PAIP1: variants seen among roughly 807,000 people sequenced by gnomAD.
PAIP1 encodes polyadenylate-binding protein-interacting protein 1.
A neutral mutation model predicts 61.3 loss-of-function variants in PAIP1; 16 were observed. That is an observed-to-expected ratio of 0.26 (90% CI 0.18 to 0.40). The LOEUF (loss-of-function observed/expected upper bound fraction) is 0.40. Among genes scored for constraint, PAIP1 ranks in the 10% least tolerant of loss-of-function variants. The pLI is 1.00. For synonymous variants in PAIP1, 187 were observed against 226.2 expected (o/e 0.83, Z 1.56); for missense variants, 416 against 600.9 (o/e 0.69, Z 3.22).
chr5:43,543,145 A>G, intron 3 of PAIP1, 29 bp from the exon 4 acceptor site: 1 of 1,089,338 alleles, frequency 9.2e-7, no homozygotes, highest in Non-Finnish European at 1.4e-6. Flanking sequence ...GTGTTATATG[A>G]CATAGGTACA....
chr5:43,529,994 T>C, intron 9 of PAIP1, 115 bp from the exon 10 acceptor site: 1 of 637,868 alleles, frequency 1.6e-6, no homozygotes. Context: ...TGCTCAGAAA[T>C]CTTAAAGTAA....
At chr5:43,552,903 G>A (rs1248929486) in intron 2 of PAIP1, among the ~76,000 whole-genome samples, 1 of 152,098 alleles carries the variant, frequency 6.6e-6, no homozygotes, top group African/African-American at 2.4e-5. Flanking sequence ...AAGAACATCA[G>A]TCACAAAAAT....
chr5:43,541,288 CT>C (rs777778938), intron 4 of PAIP1, among the ~76,000 whole-genome samples: 424 of 25,250 alleles, frequency 0.017, 8 homozygotes, highest in South Asian at 0.023. Flanking sequence ...CCACGCCCAG[CT>C]TTTTTTTTTT....
intron 2 of PAIP1, among the ~76,000 whole-genome samples, chr5:43,554,898 G>A (rs1388120504): frequency 6.6e-6 from 1 of 152,148 alleles, no homozygotes; most frequent in Admixed American, 6.5e-5. Context: ...TAACCCAAGA[G>A]TGAAAGCTAC....
chr5:43,550,931 A>C (rs4386738), intron 2 of PAIP1, among the ~76,000 whole-genome samples: 72,787 of 150,260 alleles, frequency 0.48, 18,539 homozygotes, highest in Middle Eastern at 0.63. Flanking sequence ...AGCCATACAA[A>C]TATCTAAGGA....
intron 2 of PAIP1, among the ~76,000 whole-genome samples, chr5:43,553,846 C>T (rs1288202836): frequency 3.3e-5 from 5 of 152,194 alleles, no homozygotes; most frequent in African/African-American, 7.2e-5. Context: ...CTACTCAGCT[C>T]CAACCAATTT....
rs573798036 is a variant in PAIP1 at position 43,557,064 on chromosome 5, A to G, written c.-218T>C. On this transcript the variant is annotated 5_prime_UTR_variant, in exon 1 of 11. Coordinates refer to ENST00000306846, the MANE Select transcript of PAIP1 (RefSeq NM_006451.5). ...TCCAGAGCGCCCGCCCCGCTCGGCT[A>G]CCCTCGGCTTTCCAGTTCTCCCCCA... 6 of 854,752 alleles carry G rather than the reference A, an allele frequency of 7.0e-6. No individual in the cohort carries two copies. Among genetic ancestry groups the G allele is most frequent in the Non-Finnish European group, 7.8e-6 (5 of 643,852 alleles). The allele number at this position is 854,752 out of a possible 1,614,324, so 52.9% of individuals were successfully genotyped here.
In PAIP1 at chr5:43,535,046, A is replaced by C. The variant is rs1406744454; in HGVS notation, c.1080-76T>G. 3 of 793,120 alleles carry C rather than the reference A, an allele frequency of 3.8e-6. No individual in the cohort carries two copies. In the East Asian group the frequency reaches 7.3e-5, roughly 19 times the overall value. The allele number at this position is 793,120 out of a possible 1,614,324, so 49.1% of individuals were successfully genotyped here. A position where few individuals can be genotyped will look rare whatever the true frequency, so the allele number is the denominator to read the frequency against. On this transcript the variant is annotated intron_variant, in intron 7 of 10. Coordinates refer to ENST00000306846, the MANE Select transcript of PAIP1 (RefSeq NM_006451.5). The stretch of plus-strand genomic sequence containing the variant: ...GACCCTAAAATATCTCAGATTCCCA[A>C]AACTTTATTTCCTTAATTTAACAGG...
chr5:43,533,636 C>T (rs1747031578), intron 9 of PAIP1, 102 bp downstream of exon 9: 1 of 785,524 alleles, frequency 1.3e-6, no homozygotes, highest in Non-Finnish European at 2.3e-6. Flanking sequence ...GATGTGAAGA[C>T]ATCAAAAAGT....
At chr5:43,539,231 A>G (rs545466855) in intron 4 of PAIP1, among the ~76,000 whole-genome samples, 196 bp from the exon 5 acceptor site, 11 of 151,476 alleles carry the variant, frequency 7.3e-5, no homozygotes, top group Non-Finnish European at 1.0e-4. Flanking sequence ...TAAGTCTCCC[A>G]GTTTGAAAAA....
intron 3 of PAIP1, 86 bp from the exon 4 acceptor site, chr5:43,543,202 A>C (rs1008613876): frequency 6.2e-6 from 4 of 643,388 alleles, no homozygotes; most frequent in Admixed American, 2.8e-5. Flanking sequence ...AAGAAGAAAA[A>C]ATTGACTCCC....
At chr5:43,530,013 A>G (rs1037335479) in intron 9 of PAIP1, 134 bp from the exon 10 acceptor site, 17 of 605,450 alleles carry the variant, frequency 2.8e-5, no homozygotes, top group Non-Finnish European at 4.4e-5. Flanking sequence ...AATTACATAT[A>G]GTACTATAGA....
rs970352476 is a variant in PAIP1, at chr5:43,557,076, C to G, written c.-230G>C. 8 of 761,240 alleles carry G rather than the reference C, an allele frequency of 1.1e-5. No individual in the cohort carries two copies. Among genetic ancestry groups the G allele is most frequent in the Non-Finnish European group, 1.4e-5 (8 of 560,626 alleles). 47.2% of individuals were successfully genotyped at this position (761,240 alleles called of 1,614,324 possible). The stretch of plus-strand genomic sequence containing the variant: ...GCCCCGCTCGGCTACCCTCGGCTTT[C>G]CAGTTCTCCCCCAAAACCCGGCTCC... On this transcript the variant is annotated 5_prime_UTR_variant, in exon 1 of 11. Coordinates refer to ENST00000306846, the MANE Select transcript of PAIP1 (RefSeq NM_006451.5).
At chr5:43,543,804 AG>A (rs1747520121) in intron 3 of PAIP1, among the ~76,000 whole-genome samples, 2 of 152,190 alleles carry the variant, frequency 1.3e-5, no homozygotes. Context: ...AGAATAGTAG[AG>A]AACATAGTTT....
chr5:43,533,535 T>C (rs1392975530), intron 9 of PAIP1, among the ~76,000 whole-genome samples: 1 of 152,208 alleles, frequency 6.6e-6, no homozygotes, highest in Non-Finnish European at 1.5e-5. Flanking sequence ...AGACATTATA[T>C]GTGGAATCAT....
In PAIP1 at chr5:43,536,804, A is replaced by C; in HGVS notation, c.972+15T>G. 7.4e-7 allele frequency: 1 copy of C among 1,360,072 alleles called. No homozygotes were observed. Among genetic ancestry groups the C allele is most frequent in the Non-Finnish European group, 1.0e-6 (1 of 982,810 alleles). 84.3% of individuals were successfully genotyped at this position (1,360,072 alleles called of 1,614,324 possible). Reference sequence around the variant, plus strand: ...GTAAATACGTAAATTAGTTAAATTAAAAAAAAAAACCTACCTTTAACAATT... The same window carrying C: ...GTAAATACGTAAATTAGTTAAATTACAAAAAAAAACCTACCTTTAACAATT... On this transcript the variant is annotated intron_variant, in intron 6 of 10. Transcript: ENST00000306846.
chr5:43,543,980 A>G (rs1747528062), intron 3 of PAIP1, among the ~76,000 whole-genome samples: 1 of 151,776 alleles, frequency 6.6e-6, no homozygotes, highest in Admixed American at 6.6e-5. Flanking sequence ...CCATCTCTAT[A>G]AAAAAATTTT....
chr5:43,540,963 T>C (rs1030863288), intron 4 of PAIP1, among the ~76,000 whole-genome samples: 1 of 152,002 alleles, frequency 6.6e-6, no homozygotes, highest in African/African-American at 2.4e-5. Flanking sequence ...TGAGTGAGCA[T>C]TCCTGGCGTC....
At chr5:43,539,754 C>T (rs200902727) in intron 4 of PAIP1, among the ~76,000 whole-genome samples, 1 of 152,196 alleles carries the variant, frequency 6.6e-6, no homozygotes, top group East Asian at 1.9e-4. Flanking sequence ...TATTGTCAGT[C>T]ATAGTTCCTA....
Sources: gnomAD v4.1 joint callset for allele counts (sites outside exome capture counted in the v4.1 genomes callset) on GRCh38, gnomAD v4.1.1 for gene constraint, MANE v1.5 for transcripts, NCBI Gene and HGNC (gene_info 2026-07-23, HGNC 2026-07-21) for gene names.